Variants in ATF7 observed in about 807,000 individuals in gnomAD.
The protein encoded by ATF7 is cyclic AMP-dependent transcription factor ATF-7.
ATF7 carries 10 observed loss-of-function variants against 50.4 expected under a neutral mutation model. That is an observed-to-expected ratio of 0.20 (90% confidence interval 0.12 to 0.34). The LOEUF is 0.34. Ranked by LOEUF, ATF7 falls within the 10% of genes least tolerant of loss-of-function variation. The pLI is 1.00. For synonymous variants in ATF7, 201 were observed against 226.4 expected (o/e 0.89, Z 1.01); for missense variants, 465 against 613.9 (o/e 0.76, Z 2.56).
chr12:53,571,647 A>T (rs900193369), intron 2 of ATF7, among the ~76,000 whole-genome samples: 8 of 152,042 alleles, frequency 5.3e-5, no homozygotes, highest in Admixed American at 3.9e-4. Context: ...TTAAAAAAAA[A>T]AAAAAAGGGA....
chr12:53,523,771 A>C (rs1938260289), intron 10 of ATF7, among the ~76,000 whole-genome samples: 1 of 152,232 alleles, frequency 6.6e-6, no homozygotes, highest in African/African-American at 2.4e-5. Context: ...GAGCAGTATC[A>C]ATATCCATAC....
intron 2 of ATF7, among the ~76,000 whole-genome samples, chr12:53,593,954 A>T (rs1482630305): frequency 6.6e-6 from 1 of 152,260 alleles, no homozygotes; most frequent in Non-Finnish European, 1.5e-5. Context: ...GTCAATCTGC[A>T]TTAAAGAAAT....
At chr12:53,621,509 C>T (rs1436446268) in intron 1 of ATF7, among the ~76,000 whole-genome samples, 3 of 152,030 alleles carry the variant, frequency 2.0e-5, no homozygotes, top group Non-Finnish European at 2.9e-5. Flanking sequence ...ATGGCCGGCG[C>T]GGTGGCTCAC....
At chr12:53,578,760 C>T (rs1004778922) in intron 2 of ATF7, among the ~76,000 whole-genome samples, 3 of 144,618 alleles carry the variant, frequency 2.1e-5, no homozygotes, top group South Asian at 2.2e-4. Context: ...CCCCAGCCTA[C>T]GTGACACAGT....
At chr12:53,598,885 T>C (rs1943270360) in intron 2 of ATF7, among the ~76,000 whole-genome samples, 1 of 152,120 alleles carries the variant, frequency 6.6e-6, no homozygotes, top group South Asian at 2.1e-4. Context: ...AGAAAAATAA[T>C]GGTAAGTATT....
chr12:53,565,509 AG>A (rs1379177052), intron 2 of ATF7, among the ~76,000 whole-genome samples: 1 of 23,172 alleles, frequency 4.3e-5, no homozygotes, highest in African/African-American at 1.6e-4. Flanking sequence ...GGAGGGGGGC[AG>A]GGGGCAGAGT....
At chr12:53,556,245 T>C (rs1940746885) in intron 2 of ATF7, among the ~76,000 whole-genome samples, 1 of 152,214 alleles carries the variant, frequency 6.6e-6, no homozygotes, top group South Asian at 2.1e-4. Context: ...AAAACCGTAT[T>C]ATAATATCAT....
intron 2 of ATF7, among the ~76,000 whole-genome samples, chr12:53,579,704 C>A (rs1289785360): frequency 6.6e-6 from 1 of 152,138 alleles, no homozygotes; most frequent in African/African-American, 2.4e-5. Context: ...GAACTCTGAA[C>A]TTTCTCCCTC....
chr12:53,511,311 C>A (rs886770456), downstream of ATF7, among the ~76,000 whole-genome samples: 1 of 152,116 alleles, frequency 6.6e-6, no homozygotes, highest in East Asian at 1.9e-4. Flanking sequence ...TGCAACGGCA[C>A]GATCTTAGCT....
chr12:53,582,306 C>A (rs145458335), intron 2 of ATF7, among the ~76,000 whole-genome samples: 1,512 of 146,920 alleles, frequency 0.01, 30 homozygotes, highest in African/African-American at 0.036. Flanking sequence ...TCCAGCCTGG[C>A]GACATAGCAA....
rs79700963 is a variant in ATF7 at position 53,614,593 on chromosome 12, A to T, written c.-22+11686T>A. 8.3e-3 allele frequency among the ~76,000 whole-genome samples: 1,263 copies of T among 152,356 alleles called. 13 individuals carry two copies. Among genetic ancestry groups the T allele is most frequent in the African/African-American group, 0.029 (1,200 of 41,574 alleles). On this transcript the variant is annotated intron_variant, in intron 1 of 11. Transcript: ENST00000420353. ...GGATAGGAAATAGCTGCACTATCCCACAATGACAATCACTGAGACACTTAG... is the reference window on the plus strand; with the variant it reads ...GGATAGGAAATAGCTGCACTATCCCTCAATGACAATCACTGAGACACTTAG...
chr12:53,614,129 A>T (rs532946376), intron 1 of ATF7, among the ~76,000 whole-genome samples: 1 of 152,308 alleles, frequency 6.6e-6, no homozygotes, highest in Non-Finnish European at 1.5e-5. Flanking sequence ...AGCTTCATAC[A>T]GGCAACTACT....
chr12:53,535,416 TGGAG>T (rs1939161232), intron 5 of ATF7, among the ~76,000 whole-genome samples: 1 of 151,848 alleles, frequency 6.6e-6, no homozygotes. Flanking sequence ...AAGTCAAATT[TGGAG>T]GGAAGTAACA....
intron 2 of ATF7, among the ~76,000 whole-genome samples, chr12:53,598,831 A>G (rs1349622052): frequency 6.6e-6 from 1 of 152,152 alleles, no homozygotes; most frequent in Non-Finnish European, 1.5e-5. Context: ...TTTTAAGCAT[A>G]TAACATATAT....
intron 11 of ATF7, chr12:53,517,638 T>A (rs139424144): frequency 2.2e-6 from 1 of 452,874 alleles, no homozygotes; most frequent in Non-Finnish European, 4.1e-6. Flanking sequence ...GGTCTTTGCA[T>A]AGTTCATTAC....
chr12:53,518,483 G>T (rs140674675), intron 11 of ATF7, among the ~76,000 whole-genome samples: 268 of 152,262 alleles, frequency 1.8e-3, no homozygotes, highest in African/African-American at 6.1e-3. Flanking sequence ...TTTTTAGAGG[G>T]TCTCACTCTG....
At chr12:53,528,634 T>A (rs1310934728) in intron 9 of ATF7, among the ~76,000 whole-genome samples, 1 of 151,910 alleles carries the variant, frequency 6.6e-6, no homozygotes, top group Non-Finnish European at 1.5e-5. Context: ...ATGATAGTGG[T>A]TGCCTGTAAT....
At chr12:53,518,619 A>T (rs1215001138) in intron 11 of ATF7, among the ~76,000 whole-genome samples, 1 of 152,260 alleles carries the variant, frequency 6.6e-6, no homozygotes, top group Non-Finnish European at 1.5e-5. Context: ...CATCACACTC[A>T]GCAAGTCAAG....
chr12:53,562,808 G>A (rs1455711669), intron 2 of ATF7, among the ~76,000 whole-genome samples: 2 of 151,970 alleles, frequency 1.3e-5, no homozygotes, highest in Non-Finnish European at 2.9e-5. Flanking sequence ...AAGAAGATCA[G>A]AGTAAGAAAC....
Sources: allele counts gnomAD v4.1 joint callset (sites outside exome capture counted in the v4.1 genomes callset), GRCh38; gene constraint gnomAD v4.1.1; transcripts MANE v1.5; gene names NCBI Gene and HGNC (gene_info 2026-07-23, HGNC 2026-07-21).